Variants in NEURL1 observed in about 807,000 individuals in gnomAD.
NEURL1 encodes E3 ubiquitin-protein ligase NEURL1.
Under a neutral mutation model 41.2 loss-of-function variants are expected in NEURL1, and 26 were observed. The ratio of observed to expected loss-of-function variants is 0.63; its 90% CI spans 0.46 to 0.87. The LOEUF is 0.87. Ranked by LOEUF, NEURL1 falls within the 40% of genes least tolerant of loss-of-function variation. The pLI, the probability that NEURL1 is intolerant of heterozygous loss-of-function variation, is 0.00. For synonymous variants in NEURL1, 400 were observed against 402.3 expected (o/e 0.99, Z 0.07); for missense variants, 761 against 871.1 (o/e 0.87, Z 1.59).
chr10:103,563,629 C>CA (rs35556253), intron 1 of NEURL1, among the ~76,000 whole-genome samples: 1 of 152,024 alleles, frequency 6.6e-6, no homozygotes, highest in Admixed American at 6.6e-5. Flanking sequence ...ATGGCTTGAG[C>CA]AAAGGTGTGG....
intron 1 of NEURL1, among the ~76,000 whole-genome samples, chr10:103,540,628 C>G (rs2034801889): frequency 6.6e-6 from 1 of 152,120 alleles, no homozygotes; most frequent in South Asian, 2.1e-4. Context: ...TCTCCAGTAC[C>G]ATCACCATCT....
chr10:103,585,197 C>T lies in NEURL1; in HGVS notation c.1311C>T (p.His437=), dbSNP rs773466789. The change falls in exon 4 of 6, where the codon CAC becomes CAT. Residue 437 remains histidine, a synonymous_variant. Transcript: ENST00000369780. ...CGCTTTGGATGCTCTTCGGCCTGCA[C>T]GGGACCATCACGCAGATCCGCATCC... ...SQPLWMLFGL[H]GTITQIRILG... 4.1e-5 allele frequency: 65 copies of T among 1,568,424 alleles called. No individual in the cohort carries two copies. The East Asian group carries it at 1.1e-3, about 28-fold the overall frequency.
At chr10:103,559,452 G>A (rs1471709987) in intron 1 of NEURL1, among the ~76,000 whole-genome samples, 1 of 152,108 alleles carries the variant, frequency 6.6e-6, no homozygotes, top group Admixed American at 6.5e-5. Context: ...GGACGGCAGG[G>A]CAGTTGGAGC....
At chr10:103,578,506 G>T (rs1201510506) in intron 3 of NEURL1, among the ~76,000 whole-genome samples, 1 of 152,190 alleles carries the variant, frequency 6.6e-6, no homozygotes, top group African/African-American at 2.4e-5. Flanking sequence ...AGAGGGTGAG[G>T]GGATAGGTGC....
chr10:103,575,910 C>T (rs2035652607), intron 3 of NEURL1, among the ~76,000 whole-genome samples: 1 of 152,248 alleles, frequency 6.6e-6, no homozygotes, highest in Non-Finnish European at 1.5e-5. Context: ...TCAAGGTCTC[C>T]TTGCTCCTCT....
intron 4 of NEURL1, 74 bp downstream of exon 4, chr10:103,585,299 C>A: frequency 7.9e-7 from 1 of 1,272,244 alleles, no homozygotes; most frequent in Non-Finnish European, 1.0e-6. Context: ...AGACAAAGGG[C>A]GAGCTCCCCT....
chr10:103,530,280 T>C (rs919208653), intron 1 of NEURL1, among the ~76,000 whole-genome samples: 1 of 152,124 alleles, frequency 6.6e-6, no homozygotes, highest in Non-Finnish European at 1.5e-5. Context: ...TTGAGATACT[T>C]CACTAGATTT....
chr10:103,564,975 G>A (rs1401572338), intron 1 of NEURL1, among the ~76,000 whole-genome samples: 1 of 152,182 alleles, frequency 6.6e-6, no homozygotes, highest in Non-Finnish European at 1.5e-5. Context: ...CATAGTCCAT[G>A]AGAACAGCGC....
In NEURL1 at chr10:103,545,782, AC is replaced by A. The variant is rs1270364818; in HGVS notation, c.86-25088del. Among the ~76,000 whole-genome samples the A allele has an allele frequency of 6.6e-6, 1 of 152,156 alleles. No homozygotes were observed. The highest frequency in any genetic ancestry group is 1.5e-5 in the Non-Finnish European group (1 of 68,032). On this transcript the variant is annotated intron_variant, in intron 1 of 5. Transcript: ENST00000369780. This position sits in a 1 kb window ranked among gnomAD's most constrained non-coding sequence, Gnocchi z 4.5. ...AGCATTTTCAGGTTTATGCCTTGCA[AC>A]CTGTGAGAGCTGGCACCCCCTGCCT...
At position 103,545,996 on chromosome 10, in the gene NEURL1, G is replaced by A. The variant is rs2034917249; in HGVS notation, c.86-24876G>A. 6.6e-6 allele frequency among the ~76,000 whole-genome samples: 1 copy of A among 152,180 alleles called. No homozygotes were observed. The highest frequency in any genetic ancestry group is 6.5e-5 in the Admixed American group (1 of 15,278). On this transcript the variant is annotated intron_variant, in intron 1 of 5. Coordinates refer to ENST00000369780, the MANE Select transcript of NEURL1 (RefSeq NM_004210.5). This position sits in a 1 kb window ranked among gnomAD's most constrained non-coding sequence, Gnocchi z 4.5. ...CAAAGTCCAGGGCAGTCCACATTGG[G>A]ATCAAATTTCACTTTTCTTTTTTTA...
At chr10:103,507,181 ATGCTCTTAGGAGC>A (rs1385260618) in intron 1 of NEURL1, among the ~76,000 whole-genome samples, 2 of 152,198 alleles carry the variant, frequency 1.3e-5, no homozygotes, top group Non-Finnish European at 2.9e-5. Context: ...TTGCAGGATG[ATGCTCTTAGGAGC>A]TGCTGGAAGC....
chr10:103,494,325 A>C lies in NEURL1; in HGVS notation c.-63A>C, dbSNP rs2133840033. 1 of 1,401,884 alleles carries C rather than the reference A, an allele frequency of 7.1e-7. No individual in the cohort carries two copies. The highest frequency in any genetic ancestry group is 1.2e-5 in the South Asian group (1 of 80,444). The allele number at this position is 1,401,884 out of a possible 1,614,324, so 86.8% of individuals were successfully genotyped here. A position where few individuals can be genotyped will look rare whatever the true frequency, so the allele number is the denominator to read the frequency against. ...CCGCGCGCGCACACTCGCACACCGC[A>C]CCTCAGCGCCTGCCCGGCCTCGCCC... On this transcript the variant is annotated 5_prime_UTR_variant, in exon 1 of 6. Coordinates refer to ENST00000369780, the MANE Select transcript of NEURL1 (RefSeq NM_004210.5).
intron 3 of NEURL1, among the ~76,000 whole-genome samples, chr10:103,580,031 G>C (rs1453904223): frequency 6.6e-6 from 1 of 152,108 alleles, no homozygotes; most frequent in Non-Finnish European, 1.5e-5. Flanking sequence ...CCCAGTTCCT[G>C]GCTCCTCCCT....
intron 1 of NEURL1, among the ~76,000 whole-genome samples, chr10:103,547,859 G>A (rs1288729327): frequency 2.0e-5 from 3 of 151,968 alleles, no homozygotes; most frequent in Admixed American, 6.6e-5. Context: ...TCCGCATCTC[G>A]GATGGACGAG....
In NEURL1 at chr10:103,589,596, C is replaced by T. The variant is rs1420152367; in HGVS notation, c.1422C>T (p.Gly474=). 5.6e-6 allele frequency: 9 copies of T among 1,613,958 alleles called. No homozygotes were observed. Among genetic ancestry groups the T allele is most frequent in the Non-Finnish European group, 7.6e-6 (9 of 1,179,902 alleles). ...ASTPTSPSAL[G]SRLSDPLLST... ...CGCCAACCTCGCCCAGTGCCCTGGG[C>T]AGCCGCCTGTCTGACCCCTTGCTCA... The change falls in exon 5 of 6, where the codon GGC becomes GGT. Residue 474 remains glycine, a synonymous_variant. Coordinates refer to ENST00000369780, the MANE Select transcript of NEURL1 (RefSeq NM_004210.5).
At position 103,584,418 on chromosome 10, in the gene NEURL1, G is replaced by A. The variant is rs1444367700; in HGVS notation, c.650-118G>A. 7.5e-6 allele frequency: 4 copies of A among 532,172 alleles called. No homozygotes were observed. The South Asian group carries it at 2.2e-4, about 29-fold the overall frequency. The allele number at this position is 532,172 out of a possible 1,614,324, so 33.0% of individuals were successfully genotyped here. A position where few individuals can be genotyped will look rare whatever the true frequency, so the allele number is the denominator to read the frequency against. On this transcript the variant is annotated intron_variant, in intron 3 of 5. Coordinates refer to ENST00000369780, the MANE Select transcript of NEURL1 (RefSeq NM_004210.5). The stretch of plus-strand genomic sequence containing the variant: ...TTCGCTAATTTATGTCACAAGCATC[G>A]TGTGCGCCATTAGCCATCCGGGATT...
chr10:103,564,097 T>C (rs1185561522), intron 1 of NEURL1, among the ~76,000 whole-genome samples: 13 of 152,042 alleles, frequency 8.6e-5, no homozygotes, highest in Admixed American at 8.5e-4. Context: ...GTGGGGGCCA[T>C]GGGGAGGTCA....
At chr10:103,569,665 TCTG>T (rs376997730) in intron 1 of NEURL1, among the ~76,000 whole-genome samples, 3 of 152,362 alleles carry the variant, frequency 2.0e-5, no homozygotes, top group Non-Finnish European at 4.4e-5. Context: ...CTGGGGCTCT[TCTG>T]AGCATTTCCA....
At chr10:103,581,742 A>G (rs910327785) in intron 3 of NEURL1, among the ~76,000 whole-genome samples, 21 of 152,214 alleles carry the variant, frequency 1.4e-4, no homozygotes, top group African/African-American at 3.9e-4. Context: ...GTGCACATCT[A>G]GAGTACTGAG....
Sources: allele counts gnomAD v4.1 joint callset (sites outside exome capture counted in the v4.1 genomes callset), GRCh38; gene constraint gnomAD v4.1.1; non-coding constraint Gnocchi (gnomAD v3.1); transcripts MANE v1.5; gene names NCBI Gene and HGNC (gene_info 2026-07-23, HGNC 2026-07-21).